Variants in PARN observed in about 807,000 individuals in gnomAD.
PARN encodes poly(A)-specific ribonuclease PARN.
Under a neutral mutation model 102.8 loss-of-function variants are expected in PARN, and 71 were observed. The observed-to-expected ratio is 0.69, with a 90% confidence interval of 0.57 to 0.84. PARN has a LOEUF of 0.84. Among genes scored for constraint, PARN ranks in the 40% least tolerant of loss-of-function variants. The pLI, the probability that PARN is intolerant of heterozygous loss-of-function variation, is 0.00. For synonymous variants in PARN, 261 were observed against 252.9 expected (o/e 1.03, Z -0.30); for missense variants, 782 against 760.9 (o/e 1.03, Z -0.33).
chr16:14,629,145 A>T (rs1972865107), intron 2 of PARN, among the ~76,000 whole-genome samples: 1 of 152,224 alleles, frequency 6.6e-6, no homozygotes, highest in African/African-American at 2.4e-5. Context: ...TGGGGAGTTT[A>T]ATGTGTAAAG....
chr16:14,532,329 C>T (rs2080337844), intron 21 of PARN, among the ~76,000 whole-genome samples: 2 of 151,494 alleles, frequency 1.3e-5, no homozygotes, highest in Admixed American at 6.6e-5. Context: ...TGCGGCCTTC[C>T]GCAGTGTTTG....
chr16:14,487,786 G>A (rs1436704454), intron 21 of PARN, among the ~76,000 whole-genome samples: 1 of 152,178 alleles, frequency 6.6e-6, no homozygotes, highest in Non-Finnish European at 1.5e-5. Context: ...CATTTTGAAG[G>A]TGACAGAACT....
intron 18 of PARN, among the ~76,000 whole-genome samples, chr16:14,578,327 T>C (rs1596728582): frequency 1.5e-5 from 1 of 66,074 alleles, no homozygotes; most frequent in Admixed American, 2.2e-4. Context: ...AGACTCTGTC[T>C]CACCAAAAAA....
At chr16:14,540,466 A>G (rs759030797) in intron 21 of PARN, among the ~76,000 whole-genome samples, 1 of 152,218 alleles carries the variant, frequency 6.6e-6, no homozygotes, top group Non-Finnish European at 1.5e-5. Flanking sequence ...ATATATCAAT[A>G]TATTGTATTT....
chr16:14,537,600 C>CA (rs968726083), intron 21 of PARN, among the ~76,000 whole-genome samples: 13 of 151,374 alleles, frequency 8.6e-5, no homozygotes, highest in East Asian at 1.9e-4. Context: ...ACCATTTAGC[C>CA]AAAAAAAAGA....
At chr16:14,532,196 A>ATTGTTCATTCTTGGGTGT (rs1966377550) in intron 21 of PARN, among the ~76,000 whole-genome samples, 1 of 125,510 alleles carries the variant, frequency 8.0e-6, no homozygotes, top group African/African-American at 2.8e-5. Flanking sequence ...TTTTTTTTTA[A>ATTGTTCATTCTTGGGTGT]TTGTTCATTC....
intron 2 of PARN, 42 bp downstream of exon 2, chr16:14,629,555 T>G: frequency 7.2e-7 from 1 of 1,380,022 alleles, no homozygotes; most frequent in Non-Finnish European, 1.0e-6. Context: ...GCCTTGGCTA[T>G]GCACTGCAAA....
rs200225037 is a variant in PARN at position 14,580,294 on chromosome 16, G to GT, written c.1262+579dup. On this transcript the variant is annotated intron_variant, in intron 18 of 23. Coordinates refer to ENST00000437198, the MANE Select transcript of PARN (RefSeq NM_002582.4). ...CAGGAAATTTTCTTTTGTTTTTTTT[G>GT]TTTTTTTTTTTCAGACAGAGTTTTG... Among the ~76,000 whole-genome samples, 1,055 of 143,786 alleles carry GT rather than the reference G, an allele frequency of 7.3e-3. 56 individuals carry two copies. The East Asian group carries it at 0.13, about 18-fold the overall frequency. The allele number at this position is 143,786 out of a possible 152,430, so 94.3% of individuals were successfully genotyped here.
At chr16:14,532,014 G>A (rs946409370) in intron 21 of PARN, among the ~76,000 whole-genome samples, 3 of 151,934 alleles carry the variant, frequency 2.0e-5, no homozygotes, top group Non-Finnish European at 4.4e-5. Context: ...AGTGAGCTAT[G>A]ATCGCACTGC....
At chr16:14,572,974 A>T (rs1351748747) in intron 18 of PARN, among the ~76,000 whole-genome samples, 1 of 151,438 alleles carries the variant, frequency 6.6e-6, no homozygotes, top group Admixed American at 6.6e-5. Context: ...CTGCAGCCTC[A>T]ACCTCCTGGG....
chr16:14,468,382 T>A (rs1027290872), intron 22 of PARN, among the ~76,000 whole-genome samples: 10 of 152,116 alleles, frequency 6.6e-5, no homozygotes, highest in Non-Finnish European at 1.0e-4. Context: ...AGGTGGACAG[T>A]CGGTCCATGT....
intron 22 of PARN, among the ~76,000 whole-genome samples, chr16:14,474,288 C>T (rs772536859): frequency 2.6e-5 from 4 of 152,156 alleles, no homozygotes; most frequent in African/African-American, 4.8e-5. Context: ...TACAGGCATG[C>T]GCCACTGTGC....
At chr16:14,537,671 T>C (rs1002921525) in intron 21 of PARN, among the ~76,000 whole-genome samples, 2 of 152,098 alleles carry the variant, frequency 1.3e-5, no homozygotes, top group Admixed American at 6.5e-5. Flanking sequence ...TTAAGCAAAA[T>C]ACGGCAGGCA....
At chr16:14,552,676 C>A (rs747426931) in intron 20 of PARN, among the ~76,000 whole-genome samples, 1 of 152,066 alleles carries the variant, frequency 6.6e-6, no homozygotes, top group African/African-American at 2.4e-5. Context: ...AGGCCGGGCG[C>A]GGTGGCTCAC....
At chr16:14,498,536 A>G (rs1480372873) in intron 21 of PARN, among the ~76,000 whole-genome samples, 1 of 152,088 alleles carries the variant, frequency 6.6e-6, no homozygotes, top group African/African-American at 2.4e-5. Context: ...ATCCACCTAC[A>G]GATGCAGAGC....
intron 18 of PARN, among the ~76,000 whole-genome samples, chr16:14,567,198 G>A (rs1968485504): frequency 6.6e-6 from 1 of 152,134 alleles, no homozygotes; most frequent in South Asian, 2.1e-4. Context: ...AAGTATGTGA[G>A]GAAGAAAAAA....
chr16:14,615,916 A>C (rs1056183977), intron 6 of PARN, among the ~76,000 whole-genome samples: 15 of 151,700 alleles, frequency 9.9e-5, no homozygotes, highest in Middle Eastern at 6.8e-3. Context: ...AAAAAAAAAA[A>C]CACCACCAAT....
In PARN at chr16:14,623,836, C is replaced by CAA. The variant is rs1245560307; in HGVS notation, c.327+3268_327+3269dup. 2.5e-4 allele frequency among the ~76,000 whole-genome samples: 27 copies of CAA among 108,376 alleles called. No homozygotes were observed. The East Asian group carries it at 6.4e-3, about 26-fold the overall frequency. 71.1% of individuals were successfully genotyped at this position (108,376 alleles called of 152,430 possible). ...TGGGCGACAGTGTAAGGCTCCATCT[C>CAA]AAAAAAAAAAAAAAGAAAAGAAACA... On this transcript the variant is annotated intron_variant, in intron 5 of 23. Coordinates refer to ENST00000437198, the MANE Select transcript of PARN (RefSeq NM_002582.4).
chr16:14,446,173 C>T (rs1230314758), intron 23 of PARN, among the ~76,000 whole-genome samples: 1 of 152,174 alleles, frequency 6.6e-6, no homozygotes, highest in African/African-American at 2.4e-5. Flanking sequence ...CCCTGTGTGG[C>T]ATGTGTGCAT....
Sources: allele counts gnomAD v4.1 joint callset (sites outside exome capture counted in the v4.1 genomes callset), GRCh38; gene constraint gnomAD v4.1.1; transcripts MANE v1.5; gene names NCBI Gene and HGNC (gene_info 2026-07-23, HGNC 2026-07-21).